Variants in MFSD1 observed in about 807,000 individuals in gnomAD.
The protein encoded by MFSD1 is lysosomal dipeptide transporter MFSD1.
A neutral mutation model predicts 67.1 loss-of-function variants in MFSD1; 59 were observed. The observed-to-expected ratio is 0.88, with a 90% CI of 0.71 to 1.09. The LOEUF is 1.09. MFSD1 is among the 50% of genes least tolerant of loss of function. The pLI is 0.00. For synonymous variants in MFSD1, 213 were observed against 200.3 expected, an observed-to-expected ratio of 1.06 and a Z score of -0.54; for missense variants, 552 against 566.1, an observed-to-expected ratio of 0.97 and a Z score of 0.25.
intron 1 of MFSD1, among the ~76,000 whole-genome samples, chr3:158,803,652 C>T (rs920720698): frequency 4.6e-5 from 7 of 152,070 alleles, no homozygotes; most frequent in Non-Finnish European, 1.0e-4. Flanking sequence ...GCTATGGAGG[C>T]AATATTTTCT....
At position 158,823,464 on chromosome 3, in the gene MFSD1, G is replaced by T; in HGVS notation, c.1114G>T (p.Ala372Ser). 1 of 1,613,870 alleles carries T rather than the reference G, an allele frequency of 6.2e-7. No individual in the cohort carries two copies. ...LGLSYSLLAC[A>S]LWPMVAFVVP... Reference sequence around the variant, plus strand: ...ACTCTCCTACTCATTGCTTGCCTGTGCATTGTGGCCAATGGTGGCATTTGT... The same window carrying T: ...ACTCTCCTACTCATTGCTTGCCTGTTCATTGTGGCCAATGGTGGCATTTGT... Residue 372 changes from alanine to serine, a missense_variant, in exon 12 of 16, where the codon GCA becomes TCA. Coordinates refer to ENST00000415822, the MANE Select transcript of MFSD1 (RefSeq NM_022736.4).
chr3:158,816,553 C>T (rs998578559), intron 7 of MFSD1, among the ~76,000 whole-genome samples: 2 of 151,582 alleles, frequency 1.3e-5, no homozygotes, highest in African/African-American at 4.9e-5. Flanking sequence ...GATATTAGCC[C>T]TTTGTCAGAT....
intron 12 of MFSD1, 67 bp downstream of exon 12, chr3:158,823,592 C>A: frequency 8.6e-7 from 1 of 1,165,158 alleles, no homozygotes; most frequent in Non-Finnish European, 1.3e-6. Flanking sequence ...TCATATAAAA[C>A]TCCAGATCTG....
intron 15 of MFSD1, 83 bp downstream of exon 15, chr3:158,827,420 GTTTTT>G (rs61485884): frequency 1.3e-5 from 6 of 477,346 alleles, no homozygotes; most frequent in Non-Finnish European, 2.1e-5. Context: ...GGGCTTTGAA[GTTTTT>G]TTTTTTTTTT....
intron 15 of MFSD1, among the ~76,000 whole-genome samples, chr3:158,828,042 A>C (rs887529867): frequency 2.6e-5 from 4 of 151,230 alleles, no homozygotes; most frequent in Non-Finnish European, 5.9e-5. Flanking sequence ...GAGGTCCTGG[A>C]CTGGGCTTAC....
chr3:158,820,348 A>G (rs1730609851), intron 9 of MFSD1, 22 bp downstream of exon 9: 3 of 1,473,348 alleles, frequency 2.0e-6, no homozygotes, highest in East Asian at 2.3e-5. Flanking sequence ...CTATGTTTCC[A>G]TTATTTCTTG....
rs1164341398 is a variant in MFSD1 at position 158,825,367 on chromosome 3, C to T, written c.1289-648C>T. On this transcript the variant is annotated intron_variant, in intron 13 of 15. Transcript: ENST00000415822. ...TGAAGATGCTGTCTCACTGTGTTGC[C>T]CAGGCTGGACTTGAACTCCTGGCCT... 2.0e-5 allele frequency: 3 copies of T among 152,186 alleles called. No homozygotes were observed. The East Asian group carries it at 5.8e-4, about 29-fold the overall frequency. 9.4% of individuals were successfully genotyped at this position (152,186 alleles called of 1,614,324 possible). A position where few individuals can be genotyped will look rare whatever the true frequency, so the allele number is the denominator to read the frequency against.
chr3:158,813,933 A>G, intron 6 of MFSD1, 32 bp from the exon 7 acceptor site: 2 of 1,478,130 alleles, frequency 1.4e-6, no homozygotes, highest in Non-Finnish European at 1.9e-6. Context: ...ATGATTTAAA[A>G]TGCTGTTGTT....
intron 2 of MFSD1, 55 bp from the exon 3 acceptor site, chr3:158,805,307 T>C: frequency 7.6e-7 from 1 of 1,307,224 alleles, no homozygotes; most frequent in Non-Finnish European, 1.1e-6. Flanking sequence ...TTTGATTTGT[T>C]AGTTGCTAAA....
At chr3:158,825,146 G>GTTATT (rs1234769624) in intron 13 of MFSD1, 1 of 152,102 alleles carries the variant, frequency 6.6e-6, no homozygotes, top group Non-Finnish European at 1.5e-5. Context: ...ATGTTTTTCT[G>GTTATT]TTATTTTATT....
chr3:158,828,278 A>AT (rs1380234714), intron 15 of MFSD1, among the ~76,000 whole-genome samples: 2 of 152,092 alleles, frequency 1.3e-5, no homozygotes, highest in African/African-American at 4.8e-5. Context: ...AGTTTTTATG[A>AT]TTTTAAACAT....
At chr3:158,826,688 G>A (rs1373251897) in intron 14 of MFSD1, among the ~76,000 whole-genome samples, 9 of 109,270 alleles carry the variant, frequency 8.2e-5, no homozygotes, top group Non-Finnish European at 1.5e-4. Context: ...TTTTTTCTTT[G>A]ACAGAGTCTC....
rs544589421 is a variant in MFSD1 at position 158,811,025 on chromosome 3, C to T, written c.549+1738C>T. On this transcript the variant is annotated intron_variant, in intron 6 of 15. Transcript: ENST00000415822. ...GACTTCATTCTGGTTACCAGGACAT[C>T]AGGTTCTTTTCTGTGTCATTTTAAG... Among the ~76,000 whole-genome samples, 8 of 152,238 alleles carry T rather than the reference C, an allele frequency of 5.3e-5. No individual in the cohort carries two copies. The South Asian group carries it at 1.4e-3, about 28-fold the overall frequency.
intron 6 of MFSD1, among the ~76,000 whole-genome samples, chr3:158,811,701 A>G (rs986506059): frequency 3.9e-5 from 6 of 152,214 alleles, no homozygotes; most frequent in African/African-American, 9.7e-5. Flanking sequence ...AATGCTATTG[A>G]TAGGTCAGAC....
intron 7 of MFSD1, among the ~76,000 whole-genome samples, chr3:158,817,756 G>T (rs1730449796): frequency 6.6e-6 from 1 of 152,092 alleles, no homozygotes; most frequent in Non-Finnish European, 1.5e-5. Context: ...CTACTTTAAA[G>T]TTCGTATGGA....
In MFSD1 at chr3:158,823,444, C is replaced by T; in HGVS notation, c.1094C>T (p.Ser365Phe). The change falls in exon 12 of 16, where the codon TCC becomes TTC. Residue 365 changes from serine (S) to phenylalanine (F), a missense_variant. Coordinates refer to ENST00000415822, the MANE Select transcript of MFSD1 (RefSeq NM_022736.4). ...TTTCTGTAGTGTCTTCTGGGACTCT[C>T]CTACTCATTGCTTGCCTGTGCATTG... ...PWIAMCLLGLSYSLLACALWP... is the reference protein window; with the variant it reads ...PWIAMCLLGLFYSLLACALWP... The T allele has an allele frequency of 1.2e-6, 2 of 1,613,240 alleles. No homozygotes were observed. Among genetic ancestry groups the T allele is most frequent in the Middle Eastern group, 1.7e-4 (1 of 6,058 alleles).
intron 7 of MFSD1, among the ~76,000 whole-genome samples, chr3:158,818,285 C>T (rs571492797): frequency 1.3e-5 from 2 of 152,254 alleles, no homozygotes; most frequent in African/African-American, 4.8e-5. Context: ...TACACAGATA[C>T]ATTGTGTAAC....
In MFSD1 at chr3:158,816,128, C is replaced by A. The variant is rs2108220628; in HGVS notation, c.652+2061C>A. On this transcript the variant is annotated intron_variant, in intron 7 of 15. Transcript: ENST00000415822. ...GCAATAAACATACATGTGCATGTGT[C>A]TTTATAGCAGCATGATTTATAGTCC... is the stretch of plus-strand genomic sequence containing the variant. 2.0e-5 allele frequency among the ~76,000 whole-genome samples: 3 copies of A among 152,004 alleles called. No homozygotes were observed. The South Asian group carries it at 6.2e-4, about 32-fold the overall frequency.
chr3:158,810,405 A>G (rs1729943979), intron 6 of MFSD1, among the ~76,000 whole-genome samples: 1 of 152,206 alleles, frequency 6.6e-6, no homozygotes. Flanking sequence ...GACTTTTAAT[A>G]AGTGTCGTGA....
Sources: allele counts gnomAD v4.1 joint callset (sites outside exome capture counted in the v4.1 genomes callset), GRCh38; gene constraint gnomAD v4.1.1; transcripts MANE v1.5; gene names NCBI Gene and HGNC (gene_info 2026-07-23, HGNC 2026-07-21).